PARP6: variants seen among roughly 807,000 people sequenced by gnomAD.
The protein encoded by PARP6 is poly(ADP-ribose) polymerase family member 6.
PARP6 carries 27 observed loss-of-function variants against 92.0 expected under a neutral mutation model. The ratio of observed to expected loss-of-function variants is 0.29; its 90% CI spans 0.22 to 0.40. PARP6 has a LOEUF of 0.40. Among genes scored for constraint, PARP6 ranks in the 10% least tolerant of loss-of-function variants. The probability of loss-of-function intolerance (pLI) is 1.00; values close to 1 mark genes in which losing one functional copy is unlikely to be tolerated. For synonymous variants in PARP6, 272 were observed against 281.2 expected (o/e 0.97, Z 0.33); for missense variants, 501 against 784.5 (o/e 0.64, Z 4.32).
chr15:72,250,217 T>C, intron 18 of PARP6, 125 bp from the exon 19 acceptor site: 1 of 686,290 alleles, frequency 1.5e-6, no homozygotes, highest in Non-Finnish European at 2.7e-6. Flanking sequence ...CACCTAGTGA[T>C]GGACATGCAC....
Position 72,260,533 on chromosome 15 carries a change from C to T in PARP6, c.701G>A (p.Gly234Asp). 6.2e-7 allele frequency: 1 copy of T among 1,614,194 alleles called. No individual in the cohort carries two copies. Among genetic ancestry groups the T allele is most frequent in the Non-Finnish European group, 8.5e-7 (1 of 1,180,028 alleles). Residue 234 changes from glycine to aspartate, a missense_variant, in exon 10 of 24, where the codon GGT becomes GAT. Gly to Asp is a moderately conservative substitution (Grantham distance 94). This residue lies in a region of PARP6 where 291 missense variants were observed against 352.0 expected (regional missense o/e 0.83). Coordinates refer to ENST00000569795, the MANE Select transcript of PARP6 (RefSeq NM_001323532.2). ...GCCCACGTGCTGAGGGCACAGGAGA[C>T]CTGCCTGGGGGCTGGGAGGGTAGCC... ...VFGYPPSPQA[G>D]LLCPQHVGLP...
chr15:72,254,722 T>C (rs554145279), intron 14 of PARP6, among the ~76,000 whole-genome samples: 194 of 152,326 alleles, frequency 1.3e-3, no homozygotes, highest in African/African-American at 4.5e-3. Flanking sequence ...GGTAAGTTAT[T>C]TGGCCTCTTA....
At chr15:72,257,298 CTCTG>C (rs775812838) in intron 13 of PARP6, 46 bp downstream of exon 13, 1 of 1,315,848 alleles carries the variant, frequency 7.6e-7, no homozygotes, top group Non-Finnish European at 1.1e-6. Context: ...TGCTGGGTTC[CTCTG>C]TCTTTCTTGA....
Position 72,254,532 on chromosome 15 carries a change from CA to C in PARP6, c.1126-13del. 6.2e-7 allele frequency: 1 copy of C among 1,601,698 alleles called. No homozygotes were observed. ...TCATAATTCTTCTTCTGTGGAGAAT[CA>C]ATGGGAAGAGAAGAACCAAATAAAG... On this transcript the variant is annotated splice_polypyrimidine_tract_variant and intron_variant, in intron 14 of 23. Coordinates refer to ENST00000569795, the MANE Select transcript of PARP6 (RefSeq NM_001323532.2).
In PARP6 at chr15:72,267,501, C is replaced by T. The variant is rs2086756168; in HGVS notation, c.-24G>A. On this transcript the variant is annotated 5_prime_UTR_variant, in exon 3 of 24. Transcript: ENST00000569795. ...ATTGGGTCAGTGGGTCACACACACT[C>T]TCAGGTCAGTGCTAGGCAGCACCCC... 1 of 1,613,886 alleles carries T rather than the reference C, an allele frequency of 6.2e-7. No homozygotes were observed. Among genetic ancestry groups the T allele is most frequent in the Middle Eastern group, 1.7e-4 (1 of 6,058 alleles).
Position 72,254,507 on chromosome 15 carries a change from T to C in PARP6, c.1139A>G (p.Glu380Gly). 2 of 1,612,670 alleles carry C rather than the reference T, an allele frequency of 1.2e-6. No individual in the cohort carries two copies. Among genetic ancestry groups the C allele is most frequent in the Non-Finnish European group, 1.7e-6 (2 of 1,178,696 alleles). ...ACTATCCAGAGCTTTCTGAAGCCGC[T>C]CATAATTCTTCTTCTGTGGAGAATC... is the stretch of plus-strand genomic sequence containing the variant. Reference protein sequence around the residue: ...LAFNPKKKNYERLQKALDSVM... With the variant: ...LAFNPKKKNYGRLQKALDSVM... Residue 380 changes from glutamate (E) to glycine (G), a missense_variant, in exon 15 of 24, where the codon GAG (glutamate) becomes GGG (glycine). Coordinates refer to ENST00000569795, the MANE Select transcript of PARP6 (RefSeq NM_001323532.2).
intron 8 of PARP6, among the ~76,000 whole-genome samples, chr15:72,263,942 G>T (rs538713093): frequency 2.0e-5 from 3 of 150,724 alleles, no homozygotes; most frequent in Non-Finnish European, 4.4e-5. Flanking sequence ...GGAATCACTT[G>T]AACTCAGGAG....
In PARP6 at chr15:72,265,861, AC is replaced by A. The variant is rs749395749; in HGVS notation, c.176+35del. Reference sequence around the variant, plus strand: ...CCTTTTAACAACTCAGAAAGAAGTGACTTGCTCCCCTGCCACCCCTGAAGTA... The same window carrying A: ...CCTTTTAACAACTCAGAAAGAAGTGATTGCTCCCCTGCCACCCCTGAAGTA... On this transcript the variant is annotated intron_variant, in intron 5 of 23. Transcript: ENST00000569795. 7.2e-6 allele frequency: 10 copies of A among 1,382,302 alleles called. No individual in the cohort carries two copies. The South Asian group carries it at 1.2e-4, about 16-fold the overall frequency. 85.6% of individuals were successfully genotyped at this position (1,382,302 alleles called of 1,614,324 possible).
At chr15:72,270,894 T>C (rs1017781560) in intron 2 of PARP6, 129 bp downstream of exon 2, 2 of 152,208 alleles carry the variant, frequency 1.3e-5, no homozygotes, top group African/African-American at 4.8e-5. Context: ...ATTTCTTGAA[T>C]GAGAGAATAA....
At chr15:72,262,597 T>C (rs1052160440) in intron 8 of PARP6, among the ~76,000 whole-genome samples, 3 of 152,206 alleles carry the variant, frequency 2.0e-5, no homozygotes, top group Admixed American at 6.5e-5. Context: ...CCATACTCAT[T>C]GTTTCTATGT....
intron 2 of PARP6, among the ~76,000 whole-genome samples, chr15:72,268,146 G>A (rs1396603030): frequency 2.0e-5 from 3 of 152,338 alleles, no homozygotes; most frequent in Non-Finnish European, 4.4e-5. Flanking sequence ...GTTCTTTATA[G>A]ATAATGAAAC....
chr15:72,264,643 AC>A, intron 7 of PARP6, 22 bp from the exon 8 acceptor site: 1 of 1,592,578 alleles, frequency 6.3e-7, no homozygotes, highest in Non-Finnish European at 8.6e-7. Flanking sequence ...AGAGAAGGCT[AC>A]TAGTAAGTAC....
At position 72,249,297 on chromosome 15, in the gene PARP6, A is replaced by G. The variant is rs752537186; in HGVS notation, c.1509T>C (p.Tyr503=). ...YTKLQLHGAA[Y]GKGIYLSPIS... ...TGGGGCTCAGGTAGATGCCTTTGCCATAGGCTGCTCCATGCAGCTTGCAGG... is the reference window on the plus strand; with the variant it reads ...TGGGGCTCAGGTAGATGCCTTTGCCGTAGGCTGCTCCATGCAGCTTGCAGG... The change falls in exon 20 of 24, where the codon TAT becomes TAC. Residue 503 remains tyrosine, a synonymous_variant. Coordinates refer to ENST00000569795, the MANE Select transcript of PARP6 (RefSeq NM_001323532.2). 4 of 1,600,852 alleles carry G rather than the reference A, an allele frequency of 2.5e-6. No homozygotes were observed. Among genetic ancestry groups the G allele is most frequent in the South Asian group, 1.1e-5 (1 of 89,864 alleles).
intron 2 of PARP6, among the ~76,000 whole-genome samples, chr15:72,270,609 C>T (rs2087278771): frequency 6.6e-6 from 1 of 152,178 alleles, no homozygotes; most frequent in Non-Finnish European, 1.5e-5. Context: ...GAGCCTTTGT[C>T]CCTGCTGTTC....
At position 72,241,709 on chromosome 15, in the gene PARP6, G is replaced by C; in HGVS notation, c.1791-152C>G. On this transcript the variant is annotated intron_variant, in intron 23 of 23. Coordinates refer to ENST00000569795, the MANE Select transcript of PARP6 (RefSeq NM_001323532.2). The surrounding 1 kb of genome is among the most constrained non-coding windows in gnomAD (Gnocchi z 4.1). ...ATAGTGGAAGATATTCAGCTTATCT[G>C]GTTTCCTCTAGATAGATCCCAACCA... The C allele has an allele frequency of 1.3e-6, 1 of 770,936 alleles. No homozygotes were observed. The highest frequency in any genetic ancestry group is 2.2e-6 in the Non-Finnish European group (1 of 460,648). The allele number at this position is 770,936 out of a possible 1,614,324, so 47.8% of individuals were successfully genotyped here.
chr15:72,259,688 G>A (rs372970979), intron 10 of PARP6, 27 bp from the exon 11 acceptor site: 107 of 1,608,836 alleles, frequency 6.7e-5, no homozygotes, highest in Non-Finnish European at 7.7e-5. Flanking sequence ...GACAGACCCC[G>A]TGAACCTCCT....
intron 10 of PARP6, among the ~76,000 whole-genome samples, chr15:72,259,919 A>G (rs1378414999): frequency 6.6e-6 from 1 of 152,232 alleles, no homozygotes; most frequent in Non-Finnish European, 1.5e-5. Context: ...TCACAAACTA[A>G]TAAAATCATA....
At chr15:72,256,646 A>T in intron 13 of PARP6, 56 bp from the exon 14 acceptor site, 1 of 1,378,274 alleles carries the variant, frequency 7.3e-7, no homozygotes, top group Non-Finnish European at 9.5e-7. Flanking sequence ...CAGTACTGGG[A>T]GTCAGAGTAC....
Position 72,257,424 on chromosome 15 carries a change from C to T in PARP6, c.923G>A (p.Arg308His). Residue 308 changes from arginine to histidine, a missense_variant, in exon 13 of 24, where the codon CGT becomes CAT. Arg to His is a conservative substitution (Grantham distance 29). Around this residue, in one of 4 missense-constraint regions of PARP6, gnomAD observed 191 missense variants for 399.1 expected, o/e 0.48. Transcript: ENST00000569795. ...GSMLKPAVCT[R>H]ELCVFSFYTL... ...GTAGAAGGAGAAAACGCATAGTTCA[C>T]GAGTACAGACAGCTGGCTGAAAGGA... 6 of 1,613,622 alleles carry T rather than the reference C, an allele frequency of 3.7e-6. No individual in the cohort carries two copies. Among genetic ancestry groups the T allele is most frequent in the Admixed American group, 1.7e-5 (1 of 59,996 alleles).
Sources: allele counts gnomAD v4.1 joint callset (sites outside exome capture counted in the v4.1 genomes callset), GRCh38; gene constraint gnomAD v4.1.1; regional missense constraint gnomAD v4.1.1; non-coding constraint Gnocchi (gnomAD v3.1); transcripts MANE v1.5; gene names NCBI Gene and HGNC (gene_info 2026-07-23, HGNC 2026-07-21).